SIRPG: variants seen among roughly 807,000 people sequenced by gnomAD.
SIRPG encodes signal-regulatory protein gamma.
In SIRPG, 38 loss-of-function variants were observed where a neutral mutation model predicts 35.7. The ratio of observed to expected loss-of-function variants is 1.06; its 90% CI spans 0.82 to 1.40. The LOEUF is 1.40. Among genes scored for constraint, SIRPG ranks in the 40% most tolerant of loss-of-function variants. The pLI is 0.00. For synonymous variants in SIRPG, 215 were observed against 190.4 expected, an observed-to-expected ratio of 1.13 and a Z score of -1.06; for missense variants, 519 against 483.0, an observed-to-expected ratio of 1.07 and a Z score of -0.70.
At chr20:1,641,243 C>CT (rs1333330831) in intron 2 of SIRPG, among the ~76,000 whole-genome samples, 3 of 151,986 alleles carry the variant, frequency 2.0e-5, no homozygotes, top group Non-Finnish European at 4.4e-5. Context: ...TGGTCCTGGG[C>CT]TTTTTTTGGT....
the SIRPG span, among the ~76,000 whole-genome samples, chr20:1,675,862 T>C: frequency 6.8e-6 from 1 of 146,766 alleles, no homozygotes. Context: ...GCTCTGGCAG[T>C]GAGCTGCACT....
chr20:1,640,039 T>C (rs917777150), intron 2 of SIRPG, among the ~76,000 whole-genome samples: 1 of 152,232 alleles, frequency 6.6e-6, no homozygotes, highest in African/African-American at 2.4e-5. Flanking sequence ...TAATATAGTT[T>C]GAAGTCAGGT....
At chr20:1,680,378 C>G in the SIRPG span, among the ~76,000 whole-genome samples, 1 of 152,186 alleles carries the variant, frequency 6.6e-6, no homozygotes, top group African/African-American at 2.4e-5. Context: ...GCATACTTTC[C>G]TGTTGCAATC....
chr20:1,661,536 A>T (rs1373118309), upstream of SIRPG, among the ~76,000 whole-genome samples: 1 of 152,206 alleles, frequency 6.6e-6, no homozygotes, highest in Non-Finnish European at 1.5e-5. Context: ...TCCTGGTAGC[A>T]GAGGAAGTGG....
chr20:1,635,565 C>T lies in SIRPG; in HGVS notation c.783G>A (p.Met261Ile). The stretch of plus-strand genomic sequence containing the variant: ...TGACGTTTACCTGGTTCCCCACCCT[C>T]ATGGGCTGTTGAGTAACCTCCAAGG... ...PPTLEVTQQP[M>I]RVGNQVNVTC... is the part of the protein sequence containing the mutation. Residue 261 changes from methionine (M) to isoleucine (I), a missense_variant, in exon 4 of 6, where the codon ATG becomes ATA. By Grantham distance (10) the Met-to-Ile change is conservative (BLOSUM62 1). Coordinates refer to ENST00000303415, the MANE Select transcript of SIRPG (RefSeq NM_018556.4). The T allele has an allele frequency of 1.2e-6, 2 of 1,614,158 alleles. No homozygotes were observed. Among genetic ancestry groups the T allele is most frequent in the East Asian group, 2.2e-5 (1 of 44,884 alleles).
chr20:1,672,113 G>A, the SIRPG span, among the ~76,000 whole-genome samples: 1 of 152,206 alleles, frequency 6.6e-6, no homozygotes, highest in African/African-American at 2.4e-5. Flanking sequence ...CTCAGCCCAG[G>A]AGACGGGTGG....
upstream of SIRPG, among the ~76,000 whole-genome samples, chr20:1,661,373 G>A (rs75977356): frequency 8.8e-3 from 1,339 of 152,320 alleles, 19 homozygotes; most frequent in African/African-American, 0.031. Context: ...TCATGGAAAA[G>A]CTGTTCCAAA....
At chr20:1,662,320 G>A (rs534225844), upstream of SIRPG, among the ~76,000 whole-genome samples, 5 of 152,310 alleles carry the variant, frequency 3.3e-5, no homozygotes, top group South Asian at 6.2e-4. Context: ...ACCCAATAAC[G>A]GAGGTCTCCC....
At chr20:1,669,826 T>C in the SIRPG span, 28,499 of 152,424 alleles carry the variant, frequency 0.19, 3,318 homozygotes, top group Admixed American at 0.31. Flanking sequence ...TCTATGTTTA[T>C]AGATTTCTAG....
chr20:1,667,717 G>T, the SIRPG span, among the ~76,000 whole-genome samples: 1 of 152,166 alleles, frequency 6.6e-6, no homozygotes, highest in Non-Finnish European at 1.5e-5. Context: ...CTGAGCAGTG[G>T]CTGTATATGC....
At chr20:1,677,152 A>G in the SIRPG span, among the ~76,000 whole-genome samples, 1 of 148,152 alleles carries the variant, frequency 6.7e-6, no homozygotes, top group African/African-American at 2.7e-5. Context: ...AGAACATGAG[A>G]CTGTATTAGA....
upstream of SIRPG, among the ~76,000 whole-genome samples, chr20:1,660,910 G>A (rs1447538183): frequency 6.6e-6 from 1 of 152,162 alleles, no homozygotes; most frequent in African/African-American, 2.4e-5. Context: ...ATGGGTCCCA[G>A]CTGTGTGATC....
At position 1,635,268 on chromosome 20, in the gene SIRPG, A is replaced by AG; in HGVS notation, c.1079dup (p.Gly361TrpfsTer54). On this transcript the variant is annotated frameshift_variant and splice_region_variant, in exon 4 of 6. Transcript: ENST00000303415. LOFTEE classifies it high-confidence loss of function. ...TTTAAAAATTTTGAGTAACCTCACC[A>AG]GGGGTAGCATCTGAGCTCTGGTCCT... is the stretch of plus-strand genomic sequence containing the variant. The AG allele has an allele frequency of 6.3e-7, 1 of 1,598,540 alleles. No homozygotes were observed. The highest frequency in any genetic ancestry group is 1.1e-5 in the South Asian group (1 of 90,276).
At chr20:1,662,510 C>G (rs2091998858), upstream of SIRPG, among the ~76,000 whole-genome samples, 1 of 152,204 alleles carries the variant, frequency 6.6e-6, no homozygotes, top group African/African-American at 2.4e-5. Flanking sequence ...AAGGCAAGCA[C>G]TGTTCCAACT....
In SIRPG at chr20:1,649,324, C is replaced by T; in HGVS notation, c.158G>A (p.Cys53Tyr). ...VTVGKTATLH[C>Y]TVTSLLPVGP... ...CACGGGAAGCAGGGAGGTCACAGTGCAGTGCAGAGTGGCTGTCTTTCCAAC... is the reference window on the plus strand; with the variant it reads ...CACGGGAAGCAGGGAGGTCACAGTGTAGTGCAGAGTGGCTGTCTTTCCAAC... The change falls in exon 2 of 6, where the codon TGC becomes TAC. Residue 53 changes from cysteine (C) to tyrosine (Y), a missense_variant. Transcript: ENST00000303415. 6.2e-7 allele frequency: 1 copy of T among 1,614,160 alleles called. No individual in the cohort carries two copies. Among genetic ancestry groups the T allele is most frequent in the Non-Finnish European group, 8.5e-7 (1 of 1,180,030 alleles).
intron 4 of SIRPG, chr20:1,633,524 C>T (rs2091767488): frequency 1.3e-5 from 2 of 152,226 alleles, no homozygotes; most frequent in African/African-American, 4.8e-5. Flanking sequence ...GATCACCCAA[C>T]TATGGATTCC....
At chr20:1,635,712 G>A in intron 3 of SIRPG, 113 bp from the exon 4 acceptor site, 1 of 1,125,094 alleles carries the variant, frequency 8.9e-7, no homozygotes, top group Non-Finnish European at 1.3e-6. Flanking sequence ...ACAGTGCTAG[G>A]CAGGCAGCAG....
intron 4 of SIRPG, among the ~76,000 whole-genome samples, chr20:1,634,428 C>T (rs938370784): frequency 2.6e-5 from 4 of 151,588 alleles, no homozygotes; most frequent in East Asian, 2.0e-4. Flanking sequence ...AGGATGGTCT[C>T]GATCTCCTGA....
In SIRPG at chr20:1,656,347, T is replaced by G. The variant is rs913860687; in HGVS notation, c.73+1295A>C. ...ATTTGCAAATAGAGCACAAGAGTTATAGCTTCCACACAGGGATGCTGTGAG... is the reference window on the plus strand; with the variant it reads ...ATTTGCAAATAGAGCACAAGAGTTAGAGCTTCCACACAGGGATGCTGTGAG... On this transcript the variant is annotated intron_variant, in intron 1 of 5. Transcript: ENST00000303415. Among the ~76,000 whole-genome samples the G allele has an allele frequency of 3.9e-5, 6 of 152,336 alleles. No homozygotes were observed. The East Asian group carries it at 1.2e-3, about 29-fold the overall frequency.
Sources: gnomAD v4.1 joint callset for allele counts (sites outside exome capture counted in the v4.1 genomes callset) on GRCh38, gnomAD v4.1.1 for gene constraint, MANE v1.5 for transcripts, NCBI Gene and HGNC (gene_info 2026-07-23, HGNC 2026-07-21) for gene names.